SCN9A: variants seen among roughly 807,000 people sequenced by gnomAD.
The protein encoded by SCN9A is sodium channel protein type 9 subunit alpha.
In SCN9A, 131 loss-of-function variants were observed where a neutral mutation model predicts 187.0. The ratio of observed to expected loss-of-function variants is 0.70; its 90% CI spans 0.61 to 0.81. SCN9A has a LOEUF of 0.81. Among genes scored for constraint, SCN9A ranks in the 30% least tolerant of loss-of-function variants. The pLI is 0.00. For synonymous variants in SCN9A, 809 were observed against 808.6 expected, an observed-to-expected ratio of 1.00 and a Z score of -0.01; for missense variants, 2,252 against 2,396.6, an observed-to-expected ratio of 0.94 and a Z score of 1.26.
In SCN9A at chr2:166,305,609, T is replaced by C. The variant is rs140380560; in HGVS notation, c.596+183A>G. 6.9e-3 allele frequency among the ~76,000 whole-genome samples: 1,044 copies of C among 152,186 alleles called. 5 individuals carry two copies. Among genetic ancestry groups the C allele is most frequent in the Admixed American group, 0.021 (314 of 15,264 alleles). On this transcript the variant is annotated intron_variant, in intron 5 of 26. Transcript: ENST00000642356. ...ATGTCACATACCTCTGAGTGGGAGA[T>C]AGTCTTTTTGAAAAATTTAGTATTT...
At chr2:166,297,021 C>T (rs1431605618) in intron 7 of SCN9A, among the ~76,000 whole-genome samples, 2 of 151,156 alleles carry the variant, frequency 1.3e-5, no homozygotes, top group African/African-American at 2.4e-5. Flanking sequence ...CACAATGAAA[C>T]CCCGTCTCTA....
chr2:166,359,261 A>G (rs1047155730), intron 1 of SCN9A, among the ~76,000 whole-genome samples: 1 of 152,108 alleles, frequency 6.6e-6, no homozygotes, highest in African/African-American at 2.4e-5. Flanking sequence ...TTCTATTTTT[A>G]TTTTCATTGG....
chr2:166,316,432 C>T (rs1284734351), intron 1 of SCN9A, among the ~76,000 whole-genome samples: 3 of 152,174 alleles, frequency 2.0e-5, no homozygotes, highest in Admixed American at 6.5e-5. Flanking sequence ...CGGTGGCTCA[C>T]GCCTATAATC....
At chr2:166,311,904 A>G (rs1177816857) in intron 1 of SCN9A, 98 bp from the exon 2 acceptor site, 1 of 653,074 alleles carries the variant, frequency 1.5e-6, no homozygotes, top group East Asian at 2.8e-5. Context: ...TTTAGTTTCA[A>G]CTACAAAAGG....
intron 17 of SCN9A, among the ~76,000 whole-genome samples, chr2:166,261,575 C>T (rs959912309): frequency 8.3e-4 from 126 of 151,960 alleles, no homozygotes; most frequent in Non-Finnish European, 5.0e-4. Context: ...ATGGAGGCCA[C>T]GTGGACTGCT....
chr2:166,253,242 A>C (rs567268223), intron 17 of SCN9A, among the ~76,000 whole-genome samples: 9 of 151,850 alleles, frequency 5.9e-5, no homozygotes, highest in Non-Finnish European at 1.2e-4. Context: ...GTAAGCAGAC[A>C]ATGTCTTTCT....
In SCN9A at chr2:166,347,134, A is replaced by G. The variant is rs541216093; in HGVS notation, c.-51+28563T>C. ...TAAGAATGGTGTTTAGAGAGAACAT[A>G]AGAAGAGTAAATTTGAGAGTCTGTC... On this transcript the variant is annotated intron_variant, in intron 1 of 26. Coordinates refer to ENST00000642356, the MANE Select transcript of SCN9A (RefSeq NM_001365536.1). Among the ~76,000 whole-genome samples the G allele has an allele frequency of 5.9e-5, 9 of 152,308 alleles. No homozygotes were observed. In the South Asian group the frequency reaches 1.9e-3, roughly 32 times the overall value.
At chr2:166,370,219 T>A (rs1241401466) in intron 1 of SCN9A, among the ~76,000 whole-genome samples, 1 of 136,904 alleles carries the variant, frequency 7.3e-6, no homozygotes, top group East Asian at 2.0e-4. Context: ...ATAATAATAA[T>A]AATAATAATA....
chr2:166,286,679 C>T (rs1574868693), intron 10 of SCN9A, 56 bp from the exon 11 acceptor site: 5 of 1,388,170 alleles, frequency 3.6e-6, no homozygotes, highest in East Asian at 2.5e-5. Flanking sequence ...CCTAGGAAAC[C>T]CTAGGACAGG....
intron 1 of SCN9A, among the ~76,000 whole-genome samples, chr2:166,325,878 C>T (rs1323129429): frequency 2.0e-5 from 3 of 152,168 alleles, no homozygotes; most frequent in Non-Finnish European, 4.4e-5. Flanking sequence ...TGGTTTATAA[C>T]TACAAAAGCC....
intron 1 of SCN9A, among the ~76,000 whole-genome samples, chr2:166,372,310 G>A (rs568161057): frequency 2.6e-5 from 4 of 152,120 alleles, no homozygotes; most frequent in Admixed American, 6.6e-5. Context: ...AATTTAGACC[G>A]TGTGGAAACC....
chr2:166,217,997 T>A (rs1169703940), intron 24 of SCN9A, among the ~76,000 whole-genome samples: 1 of 152,186 alleles, frequency 6.6e-6, no homozygotes, highest in East Asian at 1.9e-4. Flanking sequence ...TTGCAGTTTT[T>A]ACCATTACTT....
chr2:166,334,061 T>A (rs1279427546), intron 1 of SCN9A, among the ~76,000 whole-genome samples: 2 of 152,096 alleles, frequency 1.3e-5, no homozygotes, highest in Non-Finnish European at 2.9e-5. Context: ...AAGAAATAAG[T>A]AGTCTTTACT....
intron 1 of SCN9A, among the ~76,000 whole-genome samples, chr2:166,364,351 A>G (rs375204316): frequency 8.0e-4 from 121 of 152,196 alleles, no homozygotes; most frequent in African/African-American, 2.7e-3. Flanking sequence ...CAATTAATAG[A>G]AGGGACGCAT....
rs141742493 is a variant in SCN9A at position 166,341,589 on chromosome 2, A to G, written c.-50-29783T>C. ...CATGGGTCTCTTTAAGACTCCACAA[A>G]GAGACACTGCTAAGAGTTACTGGAA... On this transcript the variant is annotated intron_variant, in intron 1 of 26. Transcript: ENST00000642356. Among the ~76,000 whole-genome samples the G allele has an allele frequency of 2.0e-4, 30 of 152,366 alleles. No individual in the cohort carries two copies. The East Asian group carries it at 4.4e-3, about 22-fold the overall frequency.
At chr2:166,307,262 C>T (rs1698793386) in intron 2 of SCN9A, among the ~76,000 whole-genome samples, 188 bp from the exon 3 acceptor site, 1 of 152,132 alleles carries the variant, frequency 6.6e-6, no homozygotes, top group Non-Finnish European at 1.5e-5. Flanking sequence ...ACTCCAAGTC[C>T]ACTTCTTCAT....
At chr2:166,274,090 G>C (rs754539969) in intron 16 of SCN9A, among the ~76,000 whole-genome samples, 1 of 152,100 alleles carries the variant, frequency 6.6e-6, no homozygotes, top group Non-Finnish European at 1.5e-5. Flanking sequence ...TAGGAATATT[G>C]GTGAAGATCT....
chr2:166,206,017 G>A (rs1693786185), intron 24 of SCN9A, among the ~76,000 whole-genome samples: 1 of 152,128 alleles, frequency 6.6e-6, no homozygotes, highest in Non-Finnish European at 1.5e-5. Flanking sequence ...GGAAACAACA[G>A]ATGTTGGAGA....
At chr2:166,299,273 G>T (rs1487598659) in intron 7 of SCN9A, among the ~76,000 whole-genome samples, 1 of 150,886 alleles carries the variant, frequency 6.6e-6, no homozygotes, top group Non-Finnish European at 1.5e-5. Context: ...TTTCTTGGGA[G>T]AATTGTCTAC....
Sources: allele counts gnomAD v4.1 joint callset (sites outside exome capture counted in the v4.1 genomes callset), GRCh38; gene constraint gnomAD v4.1.1; transcripts MANE v1.5; gene names NCBI Gene and HGNC (gene_info 2026-07-23, HGNC 2026-07-21).